The following CNTN4 variants were observed in gnomAD, a reference collection of about 807,000 sequenced individuals.
CNTN4 encodes the protein contactin-4.
Under a neutral mutation model 122.5 loss-of-function variants are expected in CNTN4, and 77 were observed. That is an observed-to-expected ratio of 0.63 (90% CI 0.52 to 0.76). The LOEUF is 0.76. Ranked by LOEUF, CNTN4 falls within the 30% of genes least tolerant of loss-of-function variation. CNTN4 has a pLI of 0.00. For synonymous variants in CNTN4, 512 were observed against 447.0 expected (o/e 1.15, Z -1.83); for missense variants, 1,256 against 1,259.1 (o/e 1.00, Z 0.04).
At chr3:2,146,152 A>G (rs984881833) in intron 2 of CNTN4, among the ~76,000 whole-genome samples, 9 of 151,538 alleles carry the variant, frequency 5.9e-5, no homozygotes, top group Non-Finnish European at 1.0e-4. Flanking sequence ...GGGCTATATG[A>G]GAACCTAAGA....
At chr3:2,612,142 C>G (rs1034689953) in intron 4 of CNTN4, among the ~76,000 whole-genome samples, 1 of 143,792 alleles carries the variant, frequency 7.0e-6, no homozygotes, top group Non-Finnish European at 1.6e-5. Context: ...ACACACACAA[C>G]AGACAGAGAT....
intron 6 of CNTN4, among the ~76,000 whole-genome samples, chr3:2,806,079 T>C (rs2092461182): frequency 6.6e-6 from 1 of 152,010 alleles, no homozygotes; most frequent in Non-Finnish European, 1.5e-5. Context: ...TTTTTTGTAT[T>C]TTCAGAGAGA....
At chr3:2,414,323 C>T (rs545147338) in intron 3 of CNTN4, among the ~76,000 whole-genome samples, 16 of 152,158 alleles carry the variant, frequency 1.1e-4, no homozygotes, top group African/African-American at 1.4e-4. Context: ...ATATTGCGTG[C>T]GCTTAGTAGA....
chr3:2,371,245 A>C (rs936832185), intron 3 of CNTN4, among the ~76,000 whole-genome samples: 2 of 152,206 alleles, frequency 1.3e-5, no homozygotes, highest in African/African-American at 2.4e-5. Context: ...AGTAAAGACT[A>C]GCATTCTTTT....
intron 2 of CNTN4, among the ~76,000 whole-genome samples, chr3:2,109,792 G>A (rs1041393745): frequency 1.3e-5 from 2 of 152,124 alleles, no homozygotes; most frequent in Admixed American, 1.3e-4. Flanking sequence ...TCACTCATTT[G>A]ATTAGCTATT....
At chr3:2,981,256 AAC>A (rs1329708676) in intron 13 of CNTN4, among the ~76,000 whole-genome samples, 1 of 152,046 alleles carries the variant, frequency 6.6e-6, no homozygotes, top group Admixed American at 6.5e-5. Context: ...CATCCTGGCT[AAC>A]ACAGTGAAAC....
At chr3:2,402,152 C>A (rs982412155) in intron 3 of CNTN4, among the ~76,000 whole-genome samples, 1 of 152,096 alleles carries the variant, frequency 6.6e-6, no homozygotes. Context: ...TATCCTCTTC[C>A]TTCAGGGTTC....
chr3:2,825,475 G>C (rs1014192915), intron 7 of CNTN4, among the ~76,000 whole-genome samples: 2 of 152,098 alleles, frequency 1.3e-5, no homozygotes, highest in Non-Finnish European at 2.9e-5. Flanking sequence ...ACCCGCTTCA[G>C]CCTCCCAAAG....
At chr3:3,039,230 A>T (rs555919523) in intron 19 of CNTN4, 1 of 526,106 alleles carries the variant, frequency 1.9e-6, no homozygotes, top group South Asian at 2.4e-5. Context: ...AAAAACAATT[A>T]TGAAGGGAAG....
intron 6 of CNTN4, among the ~76,000 whole-genome samples, chr3:2,797,619 A>T (rs554725280): frequency 6.6e-6 from 1 of 152,198 alleles, no homozygotes; most frequent in African/African-American, 2.4e-5. Context: ...ACAAAAACAA[A>T]AGCAAACTCC....
In CNTN4 at chr3:2,585,804, A is replaced by G. The variant is rs543806008; in HGVS notation, c.55+14246A>G. 1.4e-3 allele frequency among the ~76,000 whole-genome samples: 208 copies of G among 151,490 alleles called. 2 individuals are homozygous for G. The highest frequency in any genetic ancestry group is 4.4e-3 in the African/African-American group (183 of 41,270). ...GTATACATATGTAACAAACCTGCACATTGTGCACACGTACCCTAAAACTTA... is the reference window on the plus strand; with the variant it reads ...GTATACATATGTAACAAACCTGCACGTTGTGCACACGTACCCTAAAACTTA... On this transcript the variant is annotated intron_variant, in intron 4 of 24. Transcript: ENST00000418658.
At chr3:2,832,996 G>C (rs2093136074) in intron 7 of CNTN4, among the ~76,000 whole-genome samples, 1 of 152,116 alleles carries the variant, frequency 6.6e-6, no homozygotes, top group Non-Finnish European at 1.5e-5. Flanking sequence ...ATGATGACTT[G>C]AGAAAATACT....
chr3:2,413,889 A>G (rs2047317687), intron 3 of CNTN4, among the ~76,000 whole-genome samples: 1 of 152,134 alleles, frequency 6.6e-6, no homozygotes. Context: ...ACTACCTACC[A>G]TTTATAGCTG....
At chr3:2,523,188 C>A (rs756063973) in intron 3 of CNTN4, among the ~76,000 whole-genome samples, 1 of 151,948 alleles carries the variant, frequency 6.6e-6, no homozygotes, top group Non-Finnish European at 1.5e-5. Flanking sequence ...TTATGAAAGA[C>A]ACTCTTGTTT....
At chr3:2,997,889 T>C (rs746447469) in intron 14 of CNTN4, among the ~76,000 whole-genome samples, 8 of 152,196 alleles carry the variant, frequency 5.3e-5, no homozygotes, top group Non-Finnish European at 1.2e-4. Context: ...AAGTGAAGAT[T>C]AGCAACATTG....
chr3:2,466,343 G>A (rs1482693936), intron 3 of CNTN4, among the ~76,000 whole-genome samples: 1 of 152,154 alleles, frequency 6.6e-6, no homozygotes, highest in African/African-American at 2.4e-5. Context: ...ATGCATATGT[G>A]AAACAAAACG....
intron 4 of CNTN4, among the ~76,000 whole-genome samples, chr3:2,603,410 TA>T (rs1481128137): frequency 1.3e-5 from 2 of 152,190 alleles, no homozygotes; most frequent in Non-Finnish European, 2.9e-5. Context: ...GGTTTATCGG[TA>T]TTTTTCTGTG....
chr3:2,627,118 C>T (rs2082220998), intron 4 of CNTN4, among the ~76,000 whole-genome samples: 1 of 152,132 alleles, frequency 6.6e-6, no homozygotes, highest in African/African-American at 2.4e-5. Flanking sequence ...GGGAGACCTC[C>T]TGGGATGCAG....
chr3:2,467,979 C>T (rs565154277), intron 3 of CNTN4, among the ~76,000 whole-genome samples: 1 of 152,220 alleles, frequency 6.6e-6, no homozygotes, highest in Admixed American at 6.5e-5. Flanking sequence ...AGAACTTCGT[C>T]ATTCTATAAG....
Sources: gnomAD v4.1 joint callset for allele counts (sites outside exome capture counted in the v4.1 genomes callset) on GRCh38, gnomAD v4.1.1 for gene constraint, MANE v1.5 for transcripts, NCBI Gene and HGNC (gene_info 2026-07-23, HGNC 2026-07-21) for gene names.